UBE2R2: variants seen among roughly 807,000 people sequenced by gnomAD.
The protein encoded by UBE2R2 is ubiquitin conjugating enzyme E2 R2.
Under a neutral mutation model 27.8 loss-of-function variants are expected in UBE2R2, and 1 was observed. The ratio of observed to expected loss-of-function variants is 0.04; its 90% CI spans 0.01 to 0.17. UBE2R2 has a LOEUF of 0.17. Ranked by LOEUF, UBE2R2 falls within the 10% of genes least tolerant of loss-of-function variation. The pLI is 1.00. For missense variants in UBE2R2, 100 were observed against 291.0 expected, an observed-to-expected ratio of 0.34 and a Z score of 4.78; for synonymous variants, 106 against 113.3, an observed-to-expected ratio of 0.94 and a Z score of 0.41.
chr9:33,914,603 G>A (rs569933656), intron 4 of UBE2R2, among the ~76,000 whole-genome samples: 10 of 152,208 alleles, frequency 6.6e-5, no homozygotes, highest in African/African-American at 2.4e-4. Flanking sequence ...GAGGCGGGTG[G>A]ATCACCTGAG....
chr9:33,899,778 G>A (rs751805405), intron 2 of UBE2R2, among the ~76,000 whole-genome samples: 8 of 152,180 alleles, frequency 5.3e-5, no homozygotes, highest in Admixed American at 3.9e-4. Flanking sequence ...GATTACAGGC[G>A]TGAGACACCG....
rs1027042661 is a variant in UBE2R2 at position 33,862,365 on chromosome 9, C to T, written c.178-24516C>T. Among the ~76,000 whole-genome samples the T allele has an allele frequency of 5.9e-5, 9 of 152,216 alleles. No individual in the cohort carries two copies. In the East Asian group the frequency reaches 1.5e-3, roughly 26 times the overall value. ...CCAGAACTTCTTTCGTTATGTTAGC[C>T]GCCTGCCCAAGAATTTGGGAGTGTC... On this transcript the variant is annotated intron_variant, in intron 1 of 4. Transcript: ENST00000263228.
intron 3 of UBE2R2, among the ~76,000 whole-genome samples, chr9:33,905,258 T>C (rs1450592669): frequency 6.6e-6 from 1 of 152,192 alleles, no homozygotes; most frequent in Non-Finnish European, 1.5e-5. Flanking sequence ...TAAAAGAGTC[T>C]GTCTCAGAAG....
upstream of UBE2R2, among the ~76,000 whole-genome samples, chr9:33,816,650 C>T (rs1825766923): frequency 6.6e-6 from 1 of 152,220 alleles, no homozygotes; most frequent in Non-Finnish European, 1.5e-5. Context: ...GGTCTGTTCC[C>T]ACCGAAAAGA....
chr9:33,899,968 G>T (rs1161556024), intron 2 of UBE2R2, among the ~76,000 whole-genome samples: 1 of 152,086 alleles, frequency 6.6e-6, no homozygotes, highest in Middle Eastern at 3.2e-3. Flanking sequence ...CTTCTCACTA[G>T]AAAATATACC....
chr9:33,911,794 T>A (rs544300949), intron 3 of UBE2R2, among the ~76,000 whole-genome samples, 170 bp from the exon 4 acceptor site: 129 of 152,324 alleles, frequency 8.5e-4, no homozygotes, highest in Admixed American at 1.9e-3. Flanking sequence ...ATGAAAACTA[T>A]CAATAAAAAA....
At chr9:33,844,336 C>G (rs1170757681) in intron 1 of UBE2R2, among the ~76,000 whole-genome samples, 1 of 152,084 alleles carries the variant, frequency 6.6e-6, no homozygotes, top group Non-Finnish European at 1.5e-5. Context: ...TCCCCAGTAG[C>G]TGGGATTACA....
chr9:33,905,290 C>G (rs1057000269), intron 3 of UBE2R2, among the ~76,000 whole-genome samples: 1 of 152,108 alleles, frequency 6.6e-6, no homozygotes, highest in African/African-American at 2.4e-5. Flanking sequence ...ATTTTTCTGT[C>G]TAGTCTTAAG....
chr9:33,902,452 T>C (rs1008981283), intron 3 of UBE2R2, among the ~76,000 whole-genome samples: 3 of 152,230 alleles, frequency 2.0e-5, no homozygotes, highest in Non-Finnish European at 2.9e-5. Context: ...GGATATTACC[T>C]GGCTGGCTTG....
Position 33,917,319 on chromosome 9 carries a change from TC to T in UBE2R2, c.*83del, listed in dbSNP as rs369140439. ...CAAGTGGGGACCTGGCCATGGCCCCTCAGCAAAAACCTATTCACAGCGGGTG... is the reference window on the plus strand; with the variant it reads ...CAAGTGGGGACCTGGCCATGGCCCCTAGCAAAAACCTATTCACAGCGGGTG... On this transcript the variant is annotated 3_prime_UTR_variant, in exon 5 of 5. Transcript: ENST00000263228. 3.8e-6 allele frequency: 6 copies of T among 1,574,716 alleles called. No individual in the cohort carries two copies. The African/African-American group carries it at 6.7e-5, about 18-fold the overall frequency.
At chr9:33,846,150 G>A (rs1314651952) in intron 1 of UBE2R2, among the ~76,000 whole-genome samples, 2 of 150,608 alleles carry the variant, frequency 1.3e-5, no homozygotes, top group Non-Finnish European at 3.0e-5. Flanking sequence ...ACAAAAATTA[G>A]CCAGGTGTGG....
chr9:33,896,667 C>G (rs891999088), intron 2 of UBE2R2, among the ~76,000 whole-genome samples: 1 of 149,498 alleles, frequency 6.7e-6, no homozygotes, highest in African/African-American at 2.5e-5. Context: ...CCAGGATGGT[C>G]TTGATCTCCT....
chr9:33,830,771 G>GAAAA (rs370816652), intron 1 of UBE2R2, among the ~76,000 whole-genome samples: 202 of 136,228 alleles, frequency 1.5e-3, no homozygotes, highest in Non-Finnish European at 2.6e-3. Context: ...CCTCTCAAAG[G>GAAAA]AAAAAAAAAA....
chr9:33,895,756 C>A lies in UBE2R2; in HGVS notation c.265-4418C>A, dbSNP rs544831173. 8.8e-4 allele frequency among the ~76,000 whole-genome samples: 120 copies of A among 136,350 alleles called. 2 individuals carry two copies. The highest frequency in any genetic ancestry group is 5.8e-4 in the Non-Finnish European group (37 of 64,036). 89.5% of individuals were successfully genotyped at this position (136,350 alleles called of 152,430 possible). On this transcript the variant is annotated intron_variant, in intron 2 of 4. Transcript: ENST00000263228. The stretch of plus-strand genomic sequence containing the variant: ...TTTCCCTTCCATGACTAGATTTATT[C>A]TCTCTCTCTCTCTTTTTTTTTTTTT...
chr9:33,849,600 C>T (rs951393874), intron 1 of UBE2R2, among the ~76,000 whole-genome samples: 6 of 151,670 alleles, frequency 4.0e-5, no homozygotes, highest in African/African-American at 1.5e-4. Context: ...GCCTGTAATC[C>T]CAGCACTTTG....
intron 1 of UBE2R2, among the ~76,000 whole-genome samples, chr9:33,864,215 A>T (rs1821310061): frequency 6.6e-6 from 1 of 152,152 alleles, no homozygotes; most frequent in Non-Finnish European, 1.5e-5. Flanking sequence ...AAAAAACGGA[A>T]AGGAAAAACT....
At chr9:33,911,177 G>A (rs546258784) in intron 3 of UBE2R2, among the ~76,000 whole-genome samples, 3 of 151,810 alleles carry the variant, frequency 2.0e-5, no homozygotes, top group Non-Finnish European at 4.4e-5. Flanking sequence ...GGGAGGTTGA[G>A]GAGGGCGGAT....
At chr9:33,849,731 C>T (rs1318547186) in intron 1 of UBE2R2, among the ~76,000 whole-genome samples, 1 of 150,196 alleles carries the variant, frequency 6.7e-6, no homozygotes, top group Non-Finnish European at 1.5e-5. Context: ...GTGGCATGTG[C>T]TGCTAGTTCC....
At chr9:33,832,979 G>A (rs1407001236) in intron 1 of UBE2R2, among the ~76,000 whole-genome samples, 1 of 152,100 alleles carries the variant, frequency 6.6e-6, no homozygotes, top group Non-Finnish European at 1.5e-5. Flanking sequence ...CTTAAAATAT[G>A]AGGAAAATGG....
Sources: allele counts gnomAD v4.1 joint callset (sites outside exome capture counted in the v4.1 genomes callset), GRCh38; gene constraint gnomAD v4.1.1; transcripts MANE v1.5; gene names NCBI Gene and HGNC (gene_info 2026-07-23, HGNC 2026-07-21).